ABHD12B: variants seen among roughly 807,000 people sequenced by gnomAD.
The protein encoded by ABHD12B is protein ABHD12B.
A neutral mutation model predicts 50.4 loss-of-function variants in ABHD12B; 42 were observed. That is an observed-to-expected ratio of 0.83 (90% CI 0.65 to 1.08). The LOEUF (loss-of-function observed/expected upper bound fraction) is 1.08, where lower values mean the gene tolerates loss of function less well. Among genes scored for constraint, ABHD12B ranks in the 50% least tolerant of loss-of-function variants. The pLI is 0.00. For synonymous variants in ABHD12B, 167 were observed against 160.3 expected (o/e 1.04, Z -0.32); for missense variants, 479 against 447.7 (o/e 1.07, Z -0.63).
intron 9 of ABHD12B, among the ~76,000 whole-genome samples, chr14:50,897,749 T>C (rs996360667): frequency 7.2e-5 from 11 of 152,174 alleles, no homozygotes; most frequent in African/African-American, 2.7e-4. Flanking sequence ...AGTTTTCCCA[T>C]TTTTTTACCA....
At chr14:50,889,885 A>G (rs968877046) in intron 9 of ABHD12B, among the ~76,000 whole-genome samples, 3 of 152,196 alleles carry the variant, frequency 2.0e-5, no homozygotes, top group African/African-American at 4.8e-5. Context: ...TTTTTGTACA[A>G]TAAGCCATCA....
At chr14:50,872,424 C>A in intron 1 of ABHD12B, 146 bp downstream of exon 1, 1 of 504,772 alleles carries the variant, frequency 2.0e-6, no homozygotes, top group African/African-American at 2.0e-5. Flanking sequence ...CGGGGGACCT[C>A]GGCGGCCCCC....
intron 4 of ABHD12B, among the ~76,000 whole-genome samples, chr14:50,880,877 A>G (rs2142729097): frequency 6.6e-6 from 1 of 152,368 alleles, no homozygotes; most frequent in South Asian, 2.1e-4. Flanking sequence ...GATTGAACCC[A>G]TGAATGACAG....
Position 50,904,943 on chromosome 14 carries a change from G to A in ABHD12B, c.*577G>A. 4.0e-6 allele frequency: 1 copy of A among 247,892 alleles called. No individual in the cohort carries two copies. The highest frequency in any genetic ancestry group is 7.7e-6 in the Non-Finnish European group (1 of 130,614). 15.4% of individuals were successfully genotyped at this position (247,892 alleles called of 1,614,324 possible). On this transcript the variant is annotated 3_prime_UTR_variant, in exon 13 of 13. Transcript: ENST00000337334. ...GACTTCCCAGCCCCCAGAACTGTGAGAAATAAATTTCTGTTGTTTATAAGC... is the reference window on the plus strand; with the variant it reads ...GACTTCCCAGCCCCCAGAACTGTGAAAAATAAATTTCTGTTGTTTATAAGC...
Position 50,894,894 on chromosome 14 carries a change from C to G in ABHD12B, c.780+5991C>G, listed in dbSNP as rs559487839. ...CTAGGCCTCAATTCTTCCTCAGCCT[C>G]TGCTCCTCCACCCTATAATCTTTTT... On this transcript the variant is annotated intron_variant, in intron 9 of 12. Coordinates refer to ENST00000337334, the MANE Select transcript of ABHD12B (RefSeq NM_001206673.2). Among the ~76,000 whole-genome samples, 46 of 148,940 alleles carry G rather than the reference C, an allele frequency of 3.1e-4. No homozygotes were observed. The East Asian group carries it at 5.2e-3, about 17-fold the overall frequency.
intron 7 of ABHD12B, 63 bp from the exon 8 acceptor site, chr14:50,886,584 A>T: frequency 6.7e-7 from 1 of 1,491,848 alleles, no homozygotes; most frequent in South Asian, 1.2e-5. Context: ...AGATGCTCAT[A>T]CCAGAAGTTG....
At chr14:50,887,504 GC>G (rs2050059584) in intron 8 of ABHD12B, among the ~76,000 whole-genome samples, 2 of 152,096 alleles carry the variant, frequency 1.3e-5, no homozygotes, top group African/African-American at 2.4e-5. Context: ...TTACCCTAAT[GC>G]CATACAATTT....
intron 9 of ABHD12B, among the ~76,000 whole-genome samples, chr14:50,899,742 G>A (rs1029112912): frequency 2.2e-4 from 33 of 151,978 alleles, no homozygotes; most frequent in Admixed American, 5.2e-4. Context: ...AGCCAACATG[G>A]CGAAACACCA....
intron 9 of ABHD12B, among the ~76,000 whole-genome samples, chr14:50,889,587 G>A (rs951943659): frequency 2.1e-4 from 32 of 152,154 alleles, no homozygotes; most frequent in Admixed American, 1.4e-3. Flanking sequence ...GCAGTGAGCT[G>A]AGATCACGCC....
At chr14:50,899,783 G>A (rs928211455) in intron 9 of ABHD12B, among the ~76,000 whole-genome samples, 2 of 152,012 alleles carry the variant, frequency 1.3e-5, no homozygotes, top group South Asian at 2.1e-4. Flanking sequence ...TTACCTGGGC[G>A]TGGTGATGCA....
rs766106138 is a variant in ABHD12B at position 50,904,187 on chromosome 14, C to T, written c.1056C>T (p.Thr352=). The change falls in exon 12 of 13, where the codon ACC becomes ACT. Residue 352 remains threonine (T), a synonymous_variant. Coordinates refer to ENST00000337334, the MANE Select transcript of ABHD12B (RefSeq NM_001206673.2). ...GTAAAAGCCCCACACTGTTAATAAC[C>T]GTGAGGTAAGAGTTGCTTTGCTAAA... ...LLCKSPTLLI[T]VRDFLSKQWS 15 of 1,613,802 alleles carry T rather than the reference C, an allele frequency of 9.3e-6. No individual in the cohort carries two copies. Among genetic ancestry groups the T allele is most frequent in the Middle Eastern group, 1.6e-4 (1 of 6,082 alleles).
At chr14:50,886,920 G>C (rs1025707526) in intron 8 of ABHD12B, among the ~76,000 whole-genome samples, 12 of 152,126 alleles carry the variant, frequency 7.9e-5, no homozygotes, top group African/African-American at 2.9e-4. Context: ...AAATCACCTT[G>C]AAAGAGTCCT....
intron 12 of ABHD12B, 33 bp from the exon 13 acceptor site, chr14:50,904,306 G>A (rs777023499): frequency 6.2e-7 from 1 of 1,614,118 alleles, no homozygotes; most frequent in Non-Finnish European, 8.5e-7. Flanking sequence ...GGTAGGGAAA[G>A]GGTGTGAGCT....
chr14:50,872,324 G>T, intron 1 of ABHD12B, 46 bp downstream of exon 1: 1 of 1,225,100 alleles, frequency 8.2e-7, no homozygotes, highest in Non-Finnish European at 1.0e-6. Flanking sequence ...GACGGCTCAG[G>T]CTGCGCGGGG....
chr14:50,875,611 G>A (rs1566482422), intron 1 of ABHD12B, among the ~76,000 whole-genome samples: 1 of 152,146 alleles, frequency 6.6e-6, no homozygotes, highest in Non-Finnish European at 1.5e-5. Flanking sequence ...GCGGGGATTG[G>A]GCTGAAACTG....
intron 3 of ABHD12B, among the ~76,000 whole-genome samples, chr14:50,879,876 C>T (rs532354940): frequency 1.3e-5 from 2 of 152,278 alleles, no homozygotes; most frequent in East Asian, 3.9e-4. Context: ...CACCCTTAGC[C>T]AGTTCTCCAC....
At chr14:50,898,481 G>A (rs952757892) in intron 9 of ABHD12B, among the ~76,000 whole-genome samples, 1 of 152,172 alleles carries the variant, frequency 6.6e-6, no homozygotes. Flanking sequence ...TTATCTGGTG[G>A]TGTTACAGAA....
At chr14:50,900,469 T>G (rs1282140334) in intron 9 of ABHD12B, among the ~76,000 whole-genome samples, 1 of 152,124 alleles carries the variant, frequency 6.6e-6, no homozygotes, top group Non-Finnish European at 1.5e-5. Context: ...TTCATATTGT[T>G]GATGGAGAAA....
At chr14:50,891,161 T>G (rs567655437) in intron 9 of ABHD12B, 3 of 152,334 alleles carry the variant, frequency 2.0e-5, no homozygotes, top group East Asian at 1.9e-4. Flanking sequence ...ATATGAGTCA[T>G]TAGAACATTA....
Sources: gnomAD v4.1 joint callset for allele counts (sites outside exome capture counted in the v4.1 genomes callset) on GRCh38, gnomAD v4.1.1 for gene constraint, MANE v1.5 for transcripts, NCBI Gene and HGNC (gene_info 2026-07-23, HGNC 2026-07-21) for gene names.